The following NKAIN2 variants were observed in gnomAD, a reference collection of about 807,000 sequenced individuals.
NKAIN2 encodes sodium/potassium-transporting ATPase subunit beta-1-interacting protein 2.
A neutral mutation model predicts 32.6 loss-of-function variants in NKAIN2; 14 were observed. That is an observed-to-expected ratio of 0.43 (90% CI 0.28 to 0.67). NKAIN2 has a LOEUF of 0.67. Ranked by LOEUF, NKAIN2 falls within the 30% of genes least tolerant of loss-of-function variation. The pLI is 0.17. For missense variants in NKAIN2, 198 were observed against 258.3 expected (o/e 0.77, Z 1.60); for synonymous variants, 80 against 87.2 (o/e 0.92, Z 0.46).
chr6:124,503,236 C>A (rs180677467), intron 3 of NKAIN2, among the ~76,000 whole-genome samples: 1 of 151,780 alleles, frequency 6.6e-6, no homozygotes, highest in Non-Finnish European at 1.5e-5. Flanking sequence ...ATTTTAACTC[C>A]GCCCCAAAAA....
chr6:124,361,258 G>T (rs1799274957), intron 3 of NKAIN2, among the ~76,000 whole-genome samples: 1 of 151,970 alleles, frequency 6.6e-6, no homozygotes, highest in Non-Finnish European at 1.5e-5. Context: ...CTTCTGGATT[G>T]TCCGTAAAAA....
chr6:123,940,509 T>C (rs1296734299), intron 1 of NKAIN2, among the ~76,000 whole-genome samples: 1 of 152,032 alleles, frequency 6.6e-6, no homozygotes, highest in East Asian at 1.9e-4. Flanking sequence ...TACAGCCTAC[T>C]ACACATCTAG....
intron 1 of NKAIN2, among the ~76,000 whole-genome samples, chr6:123,853,451 G>T (rs139215123): frequency 6.6e-6 from 1 of 151,986 alleles, no homozygotes; most frequent in African/African-American, 2.4e-5. Context: ...CTGACATTTC[G>T]GTCATTCATT....
At chr6:124,129,184 A>G (rs894959148) in intron 1 of NKAIN2, among the ~76,000 whole-genome samples, 4 of 152,160 alleles carry the variant, frequency 2.6e-5, no homozygotes, top group Non-Finnish European at 5.9e-5. Context: ...GTGTTTTTGT[A>G]TGTTGTAGAA....
intron 1 of NKAIN2, among the ~76,000 whole-genome samples, chr6:123,928,912 T>C (rs1562262449): frequency 1.3e-5 from 2 of 152,126 alleles, no homozygotes; most frequent in African/African-American, 2.4e-5. Flanking sequence ...GCAATAGAAT[T>C]CTGTACAGTT....
intron 1 of NKAIN2, among the ~76,000 whole-genome samples, chr6:123,988,462 A>C (rs1038386965): frequency 6.6e-6 from 1 of 152,196 alleles, no homozygotes; most frequent in Non-Finnish European, 1.5e-5. Context: ...CGGTGAGTGC[A>C]GTAGTTTCCG....
intron 3 of NKAIN2, among the ~76,000 whole-genome samples, chr6:124,636,114 A>C (rs1027337069): frequency 6.6e-6 from 1 of 151,932 alleles, no homozygotes; most frequent in African/African-American, 2.4e-5. Context: ...CAATAGAATA[A>C]AACTAGAAAT....
At chr6:123,873,446 G>A (rs1371848481) in intron 1 of NKAIN2, among the ~76,000 whole-genome samples, 1 of 152,128 alleles carries the variant, frequency 6.6e-6, no homozygotes, top group Non-Finnish European at 1.5e-5. Context: ...AGAATTGTGT[G>A]TTTCTTTCAC....
At chr6:124,060,481 A>C (rs1054740324) in intron 1 of NKAIN2, among the ~76,000 whole-genome samples, 3 of 152,170 alleles carry the variant, frequency 2.0e-5, no homozygotes, top group Admixed American at 6.6e-5. Flanking sequence ...GTGAAGTCTC[A>C]TCCAGCCTTA....
chr6:124,205,225 G>A (rs753917401), intron 1 of NKAIN2, among the ~76,000 whole-genome samples: 53 of 151,800 alleles, frequency 3.5e-4, no homozygotes, highest in African/African-American at 1.2e-3. Context: ...GGACAATTCC[G>A]TGAGGAAGGG....
At chr6:124,778,295 G>A (rs142150219) in intron 4 of NKAIN2, among the ~76,000 whole-genome samples, 2 of 151,594 alleles carry the variant, frequency 1.3e-5, no homozygotes, top group East Asian at 1.9e-4. Flanking sequence ...TTAAAATGCC[G>A]AGTTTAAGGA....
intron 1 of NKAIN2, among the ~76,000 whole-genome samples, chr6:123,852,779 A>T (rs978357688): frequency 1.3e-5 from 2 of 152,220 alleles, no homozygotes; most frequent in African/African-American, 4.8e-5. Flanking sequence ...TCTCACTTAT[A>T]TGTGGAAATC....
intron 3 of NKAIN2, among the ~76,000 whole-genome samples, chr6:124,598,105 G>C (rs1782162733): frequency 6.6e-6 from 1 of 152,100 alleles, no homozygotes; most frequent in Non-Finnish European, 1.5e-5. Flanking sequence ...AAATTTCCTA[G>C]ATGGATAATT....
At chr6:124,407,195 G>GT (rs1455441836) in intron 3 of NKAIN2, among the ~76,000 whole-genome samples, 15 of 151,934 alleles carry the variant, frequency 9.9e-5, no homozygotes, top group African/African-American at 2.9e-4. Context: ...TTCTGAGCTA[G>GT]TTTATTTTTA....
At chr6:124,388,647 A>G (rs57139588) in intron 3 of NKAIN2, among the ~76,000 whole-genome samples, 2,536 of 152,192 alleles carry the variant, frequency 0.017, 54 homozygotes, top group African/African-American at 0.058. Flanking sequence ...AAAATTTTCT[A>G]TAGCCTCAGA....
chr6:123,997,761 G>A (rs1159125553), intron 1 of NKAIN2, among the ~76,000 whole-genome samples: 1 of 151,528 alleles, frequency 6.6e-6, no homozygotes, highest in Non-Finnish European at 1.5e-5. Context: ...CTGCCACCAC[G>A]CCCGGCTAAT....
At chr6:124,562,807 T>C (rs1424099649) in intron 3 of NKAIN2, among the ~76,000 whole-genome samples, 1 of 152,160 alleles carries the variant, frequency 6.6e-6, no homozygotes, top group African/African-American at 2.4e-5. Flanking sequence ...GCATTCAACC[T>C]GTTGTAATAT....
chr6:124,648,028 A>G (rs1020821474), intron 3 of NKAIN2, among the ~76,000 whole-genome samples: 3 of 152,212 alleles, frequency 2.0e-5, no homozygotes, highest in Non-Finnish European at 4.4e-5. Context: ...AGAGACTTCA[A>G]TATTGAACTG....
At chr6:124,705,802 G>A (rs1046853326) in intron 4 of NKAIN2, among the ~76,000 whole-genome samples, 3 of 151,980 alleles carry the variant, frequency 2.0e-5, no homozygotes, top group Non-Finnish European at 2.9e-5. Context: ...AAAATAGTAC[G>A]GGTTAGAAAA....
Sources: gnomAD v4.1 joint callset for allele counts (sites outside exome capture counted in the v4.1 genomes callset) on GRCh38, gnomAD v4.1.1 for gene constraint, MANE v1.5 for transcripts, NCBI Gene and HGNC (gene_info 2026-07-23, HGNC 2026-07-21) for gene names.